Variants in CNTLN observed in about 807,000 individuals in gnomAD.
CNTLN encodes centlein, also known as centlein, centrosomal protein.
Under a neutral mutation model 180.0 loss-of-function variants are expected in CNTLN, and 212 were observed. The ratio of observed to expected loss-of-function variants is 1.18; its 90% CI spans 1.05 to 1.32. CNTLN has a LOEUF of 1.32. Ranked by LOEUF, CNTLN falls within the 40% of genes most tolerant of loss-of-function variation. The pLI is 0.00. For missense variants in CNTLN, 2,095 were observed against 1,610.9 expected, an observed-to-expected ratio of 1.30 and a Z score of -5.14; for synonymous variants, 722 against 563.1, an observed-to-expected ratio of 1.28 and a Z score of -3.99.
chr9:17,506,956 A>G (rs888873026), downstream of CNTLN, among the ~76,000 whole-genome samples: 2 of 152,106 alleles, frequency 1.3e-5, no homozygotes. Context: ...CACCTCAAAC[A>G]TTTATTACTT....
In CNTLN at chr9:17,221,141, C is replaced by A. The variant is rs189249767; in HGVS notation, c.450-5062C>A. Among the ~76,000 whole-genome samples, 477 of 152,030 alleles carry A rather than the reference C, an allele frequency of 3.1e-3. 1 individual carries two copies. The highest frequency in any genetic ancestry group is 5.8e-3 in the Non-Finnish European group (397 of 67,968). ...GTTATTTTCCTCCTAATGTATATAC[C>A]TCTAATAGATTTAGTATTCTTTTGC... On this transcript the variant is annotated intron_variant, in intron 2 of 25. Transcript: ENST00000380647.
At chr9:17,257,819 G>C (rs915229157) in intron 5 of CNTLN, among the ~76,000 whole-genome samples, 1 of 148,294 alleles carries the variant, frequency 6.7e-6, no homozygotes, top group Non-Finnish European at 1.5e-5. Flanking sequence ...CTTTTTGATG[G>C]GGTTGTTTGT....
At chr9:17,333,694 C>G (rs929431437) in intron 10 of CNTLN, among the ~76,000 whole-genome samples, 6 of 151,900 alleles carry the variant, frequency 3.9e-5, no homozygotes. Context: ...TTTATTCATT[C>G]AGAGTTAAAC....
chr9:17,454,295 G>T (rs1362145106), intron 18 of CNTLN, among the ~76,000 whole-genome samples: 1 of 152,122 alleles, frequency 6.6e-6, no homozygotes, highest in Non-Finnish European at 1.5e-5. Flanking sequence ...CCTTTGGTTA[G>T]AAATAATTGA....
chr9:17,229,825 T>C (rs1296682947), intron 3 of CNTLN, among the ~76,000 whole-genome samples: 2 of 152,144 alleles, frequency 1.3e-5, no homozygotes, highest in Non-Finnish European at 2.9e-5. Context: ...TTTATGTTTA[T>C]CTGGCTAGAT....
At chr9:17,423,060 C>T (rs1828832641) in intron 18 of CNTLN, among the ~76,000 whole-genome samples, 1 of 152,144 alleles carries the variant, frequency 6.6e-6, no homozygotes, top group Admixed American at 6.5e-5. Context: ...CCTCACTTTG[C>T]CCCAAACAAA....
chr9:17,382,691 G>T (rs1825355561), intron 13 of CNTLN, among the ~76,000 whole-genome samples: 1 of 152,092 alleles, frequency 6.6e-6, no homozygotes, highest in South Asian at 2.1e-4. Flanking sequence ...TCAGACTGCA[G>T]TTTCGTTTTA....
intron 18 of CNTLN, among the ~76,000 whole-genome samples, chr9:17,444,472 A>G (rs1830288304): frequency 6.6e-6 from 1 of 152,224 alleles, no homozygotes; most frequent in East Asian, 1.9e-4. Flanking sequence ...TATACATTGC[A>G]GTACTTATGT....
In CNTLN at chr9:17,503,657, C is replaced by G. The variant is rs954598937; in HGVS notation, c.*1005C>G. On this transcript the variant is annotated 3_prime_UTR_variant, in exon 26 of 26. Transcript: ENST00000380647. The stretch of plus-strand genomic sequence containing the variant: ...TTCCTCATAGCACAAAATTATCTAT[C>G]TGTTCATGTATTTGTTTTCTTGTTT... 8.5e-5 allele frequency: 13 copies of G among 152,578 alleles called. No homozygotes were observed. The highest frequency in any genetic ancestry group is 3.1e-4 in the African/African-American group (13 of 41,438). 9.5% of individuals were successfully genotyped at this position (152,578 alleles called of 1,614,324 possible).
intron 12 of CNTLN, among the ~76,000 whole-genome samples, chr9:17,356,894 C>T (rs1018260479): frequency 2.0e-5 from 3 of 151,998 alleles, no homozygotes; most frequent in Non-Finnish European, 4.4e-5. Flanking sequence ...CTGTTTCCTG[C>T]CCTCCCCATA....
intron 2 of CNTLN, among the ~76,000 whole-genome samples, chr9:17,196,819 G>T (rs1048911563): frequency 1.3e-5 from 2 of 151,732 alleles, no homozygotes; most frequent in Admixed American, 6.6e-5. Flanking sequence ...GAGTAAATGG[G>T]GTGTACATTA....
At chr9:17,393,201 G>T (rs1263286317) in intron 14 of CNTLN, among the ~76,000 whole-genome samples, 1 of 151,954 alleles carries the variant, frequency 6.6e-6, no homozygotes, top group Non-Finnish European at 1.5e-5. Flanking sequence ...CCATTCATGA[G>T]GGCCCCACCC....
intron 13 of CNTLN, among the ~76,000 whole-genome samples, chr9:17,382,961 C>T (rs1825375325): frequency 6.6e-6 from 1 of 152,092 alleles, no homozygotes; most frequent in Non-Finnish European, 1.5e-5. Flanking sequence ...TAGCGTTTAA[C>T]CTCTGGACCA....
At chr9:17,269,040 A>C (rs1363468038) in intron 5 of CNTLN, among the ~76,000 whole-genome samples, 2 of 151,992 alleles carry the variant, frequency 1.3e-5, no homozygotes, top group African/African-American at 2.4e-5. Context: ...CGCTGCACCC[A>C]CTGTCCTGCA....
intron 18 of CNTLN, among the ~76,000 whole-genome samples, chr9:17,443,462 T>C (rs539644019): frequency 1.3e-5 from 2 of 152,160 alleles, no homozygotes; most frequent in African/African-American, 2.4e-5. Context: ...ATTGTTAAAA[T>C]GTGAAATAGT....
chr9:17,521,226 T>C, the CNTLN span, among the ~76,000 whole-genome samples: 9 of 141,144 alleles, frequency 6.4e-5, no homozygotes, highest in East Asian at 1.7e-3. Context: ...AAGAGGCCCC[T>C]TGTGGTTTAG....
chr9:17,315,576 C>A (rs561761380), intron 8 of CNTLN, among the ~76,000 whole-genome samples: 24 of 152,156 alleles, frequency 1.6e-4, no homozygotes, highest in Middle Eastern at 3.4e-3. Flanking sequence ...TCTGCACATT[C>A]TTTCTCTCCT....
chr9:17,458,370 A>C (rs1831259315), intron 19 of CNTLN, among the ~76,000 whole-genome samples: 1 of 152,136 alleles, frequency 6.6e-6, no homozygotes, highest in Admixed American at 6.6e-5. Context: ...ATGCTTCTTA[A>C]GCCCATTTAT....
chr9:17,151,725 A>G (rs1818895674), intron 2 of CNTLN, among the ~76,000 whole-genome samples: 1 of 152,208 alleles, frequency 6.6e-6, no homozygotes, highest in Non-Finnish European at 1.5e-5. Context: ...GAATAGTTTC[A>G]GAAGGAATGG....
Sources: gnomAD v4.1 joint callset for allele counts (sites outside exome capture counted in the v4.1 genomes callset) on GRCh38, gnomAD v4.1.1 for gene constraint, MANE v1.5 for transcripts, NCBI Gene and HGNC (gene_info 2026-07-23, HGNC 2026-07-21) for gene names.